RAI14: variants seen among roughly 807,000 people sequenced by gnomAD.
RAI14 encodes retinoic acid induced 14.
In RAI14, 45 loss-of-function variants were observed where a neutral mutation model predicts 115.4. The observed-to-expected ratio is 0.39, with a 90% CI of 0.31 to 0.50. The LOEUF (loss-of-function observed/expected upper bound fraction) is 0.50, where lower values mean the gene tolerates loss of function less well. Ranked by LOEUF, RAI14 falls within the 20% of genes least tolerant of loss-of-function variation. The pLI is 0.85. For missense variants in RAI14, 939 were observed against 1,131.2 expected, an observed-to-expected ratio of 0.83 and a Z score of 2.44; for synonymous variants, 371 against 415.4, an observed-to-expected ratio of 0.89 and a Z score of 1.30.
At chr5:34,698,581 G>A (rs1342678378) in intron 2 of RAI14, among the ~76,000 whole-genome samples, 1 of 152,098 alleles carries the variant, frequency 6.6e-6, no homozygotes, top group Non-Finnish European at 1.5e-5. Flanking sequence ...TAGGGGCTGA[G>A]CCATCACGAT....
chr5:34,824,431 T>G lies in RAI14; in HGVS notation c.2589T>G (p.Leu863=), dbSNP rs1252389909. ...LQKFQQAQEE[L]AEMKRYAESS... ...AATTCCAGCAAGCTCAGGAAGAACTTGCAGAAATGAAAAGATACGCTGAGA... is the reference window on the plus strand; with the variant it reads ...AATTCCAGCAAGCTCAGGAAGAACTGGCAGAAATGAAAAGATACGCTGAGA... The change falls in exon 15 of 18, where the codon CTT becomes CTG. Residue 863 remains leucine (L), a synonymous_variant. Transcript: ENST00000265109. 1 of 1,604,868 alleles carries G rather than the reference T, an allele frequency of 6.2e-7. No homozygotes were observed. The highest frequency in any genetic ancestry group is 2.2e-5 in the East Asian group (1 of 44,658).
At chr5:34,782,398 GTCA>G (rs1231362798) in intron 3 of RAI14, among the ~76,000 whole-genome samples, 1 of 152,196 alleles carries the variant, frequency 6.6e-6, no homozygotes, top group Non-Finnish European at 1.5e-5. Flanking sequence ...TAAAAGCACA[GTCA>G]TCATTGAAAT....
intron 3 of RAI14, among the ~76,000 whole-genome samples, chr5:34,793,219 G>A (rs937609182): frequency 6.6e-6 from 1 of 152,142 alleles, no homozygotes. Flanking sequence ...TGTATTGATC[G>A]TGGGCCTTCC....
chr5:34,822,907 T>C, intron 14 of RAI14, 49 bp from the exon 15 acceptor site: 1 of 1,468,046 alleles, frequency 6.8e-7, no homozygotes, highest in Non-Finnish European at 9.3e-7. Flanking sequence ...CAGGATGGTC[T>C]CAATCTCCTG....
chr5:34,670,251 G>A (rs140150096), intron 1 of RAI14, among the ~76,000 whole-genome samples: 1 of 152,314 alleles, frequency 6.6e-6, no homozygotes, highest in Non-Finnish European at 1.5e-5. Context: ...AAAATTACTG[G>A]TGTTGTCTCA....
chr5:34,682,288 G>A (rs1579892710), intron 1 of RAI14, among the ~76,000 whole-genome samples: 1 of 152,022 alleles, frequency 6.6e-6, no homozygotes, highest in South Asian at 2.1e-4. Context: ...CAAATGAATG[G>A]TTTTTAGTAT....
intron 13 of RAI14, among the ~76,000 whole-genome samples, chr5:34,820,583 G>T (rs1383955617): frequency 6.6e-6 from 1 of 152,196 alleles, no homozygotes; most frequent in Admixed American, 6.5e-5. Context: ...CTGCACTCCA[G>T]CTTGGGTGAC....
chr5:34,699,455 A>G (rs1739761162), intron 2 of RAI14, among the ~76,000 whole-genome samples: 1 of 152,078 alleles, frequency 6.6e-6, no homozygotes, highest in Non-Finnish European at 1.5e-5. Context: ...GGCTTATAGG[A>G]GCATCATCCT....
At chr5:34,771,365 T>C (rs112341362) in intron 3 of RAI14, among the ~76,000 whole-genome samples, 3 of 152,316 alleles carry the variant, frequency 2.0e-5, no homozygotes, top group African/African-American at 7.2e-5. Context: ...CTGATCATGG[T>C]AACAGACGCC....
intron 3 of RAI14, among the ~76,000 whole-genome samples, chr5:34,782,118 G>T (rs932527518): frequency 2.0e-5 from 3 of 152,190 alleles, no homozygotes; most frequent in Non-Finnish European, 2.9e-5. Flanking sequence ...GGTGGGCCAG[G>T]TGTTCCTTGC....
chr5:34,685,330 C>T (rs1579901673), intron 1 of RAI14, among the ~76,000 whole-genome samples: 1 of 152,072 alleles, frequency 6.6e-6, no homozygotes. Flanking sequence ...AACTGGAGGC[C>T]GTTATTCCAA....
rs201286534 is a variant in RAI14 at position 34,823,057 on chromosome 5, T to C, written c.1215T>C (p.Ser405=). Residue 405 remains serine (S), a synonymous_variant, in exon 15 of 18, where the codon TCT becomes TCC. Coordinates refer to ENST00000265109, the MANE Select transcript of RAI14 (RefSeq NM_015577.3). The surrounding 1 kb of genome is among the most constrained non-coding windows in gnomAD (Gnocchi z 4.5). ...CCCTGGGAAAACCTGGTGAAACCTC[T>C]CCCCCAGACTCCAAATCATCTCCAT... ...GPSLGKPGET[S]PPDSKSSPSV... 1 of 1,612,918 alleles carries C rather than the reference T, an allele frequency of 6.2e-7. No homozygotes were observed. The highest frequency in any genetic ancestry group is 1.7e-5 in the Admixed American group (1 of 60,012).
chr5:34,742,651 G>GT (rs113457623), intron 2 of RAI14, among the ~76,000 whole-genome samples: 37 of 151,082 alleles, frequency 2.4e-4, no homozygotes, highest in African/African-American at 3.2e-4. Flanking sequence ...GCTGTTTTTT[G>GT]TTTTTTTTGT....
chr5:34,792,808 CTGTTT>C (rs1753085004), intron 3 of RAI14, among the ~76,000 whole-genome samples: 1 of 135,852 alleles, frequency 7.4e-6, no homozygotes, highest in Non-Finnish European at 1.5e-5. Context: ...TGTACTTTGT[CTGTTT>C]TATCTGTAAA....
intron 3 of RAI14, among the ~76,000 whole-genome samples, chr5:34,762,929 ATGTGTGTGTG>A (rs34495404): frequency 0.16 from 20,576 of 129,062 alleles, 1,330 homozygotes; most frequent in East Asian, 0.28. Context: ...GAGTGTGTGC[ATGTGTGTGTG>A]TGTGTGTGTG....
At chr5:34,730,247 G>A (rs1171595089) in intron 2 of RAI14, among the ~76,000 whole-genome samples, 1 of 152,176 alleles carries the variant, frequency 6.6e-6, no homozygotes, top group African/African-American at 2.4e-5. Flanking sequence ...CTTTGCTGGT[G>A]TCTTTATATG....
chr5:34,656,428 G>T lies in RAI14; in HGVS notation c.-96G>T, dbSNP rs1195916792. The stretch of plus-strand genomic sequence containing the variant: ...TTTTCCTGGGGAAGCGGCGGGCGGG[G>T]TGGAGCAGCCAGCTGGGTCCGGGGA... On this transcript the variant is annotated 5_prime_UTR_variant, in exon 1 of 18. Coordinates refer to ENST00000265109, the MANE Select transcript of RAI14 (RefSeq NM_015577.3). 3 of 152,286 alleles carry T rather than the reference G, an allele frequency of 2.0e-5. No individual in the cohort carries two copies. Among genetic ancestry groups the T allele is most frequent in the Non-Finnish European group, 2.9e-5 (2 of 68,144 alleles). The allele number at this position is 152,286 out of a possible 1,614,324, so 9.4% of individuals were successfully genotyped here. A position where few individuals can be genotyped will look rare whatever the true frequency, so the allele number is the denominator to read the frequency against.
rs1757463866 is a variant in RAI14 at position 34,826,489 on chromosome 5, C to T, written c.2799+10C>T. On this transcript the variant is annotated intron_variant, in intron 16 of 17. Coordinates refer to ENST00000265109, the MANE Select transcript of RAI14 (RefSeq NM_015577.3). The stretch of plus-strand genomic sequence containing the variant: ...CCAGAACCAGCTGGCGGTGAGTGGG[C>T]TTGTTTCTGCTGCCTGGTTTGGGGT... The T allele has an allele frequency of 6.2e-7, 1 of 1,610,640 alleles. No homozygotes were observed. The highest frequency in any genetic ancestry group is 1.7e-5 in the Admixed American group (1 of 59,690).
At chr5:34,813,539 C>A in intron 10 of RAI14, 35 bp from the exon 11 acceptor site, 1 of 1,520,676 alleles carries the variant, frequency 6.6e-7, no homozygotes, top group Non-Finnish European at 9.1e-7. Flanking sequence ...ACCAAACTAA[C>A]CCACCTCCAT....
Sources: allele counts gnomAD v4.1 joint callset (sites outside exome capture counted in the v4.1 genomes callset), GRCh38; gene constraint gnomAD v4.1.1; non-coding constraint Gnocchi (gnomAD v3.1); transcripts MANE v1.5; gene names NCBI Gene and HGNC (gene_info 2026-07-23, HGNC 2026-07-21).